The following SPATA18 variants were observed in gnomAD, a reference collection of about 807,000 sequenced individuals.
The protein encoded by SPATA18 is spermatogenesis associated 18.
Under a neutral mutation model 68.1 loss-of-function variants are expected in SPATA18, and 54 were observed. The observed-to-expected ratio is 0.79, with a 90% confidence interval of 0.64 to 0.99. The LOEUF (loss-of-function observed/expected upper bound fraction) is 0.99, where lower values mean the gene tolerates loss of function less well. Ranked by LOEUF, SPATA18 falls within the 50% of genes least tolerant of loss-of-function variation. The pLI is 0.00. For synonymous variants in SPATA18, 242 were observed against 244.8 expected, an observed-to-expected ratio of 0.99 and a Z score of 0.11; for missense variants, 724 against 681.1, an observed-to-expected ratio of 1.06 and a Z score of -0.70.
chr4:52,067,218 T>C (rs1024980750), intron 4 of SPATA18, among the ~76,000 whole-genome samples: 5 of 152,226 alleles, frequency 3.3e-5, no homozygotes, highest in African/African-American at 9.6e-5. Context: ...TGGTATCTCA[T>C]TGTGGCTTTG....
chr4:52,052,723 C>T (rs1738007249), intron 1 of SPATA18, among the ~76,000 whole-genome samples: 6 of 152,196 alleles, frequency 3.9e-5, no homozygotes, highest in Admixed American at 3.9e-4. Context: ...AGAGATTGGT[C>T]TAGATGATAT....
chr4:52,056,641 G>A (rs546156353), intron 1 of SPATA18, among the ~76,000 whole-genome samples: 1 of 152,210 alleles, frequency 6.6e-6, no homozygotes, highest in South Asian at 2.1e-4. Flanking sequence ...AGGTAATGCT[G>A]AAATCGGTGG....
intron 1 of SPATA18, among the ~76,000 whole-genome samples, chr4:52,058,083 T>A (rs1738504196): frequency 6.6e-6 from 1 of 152,198 alleles, no homozygotes; most frequent in African/African-American, 2.4e-5. Flanking sequence ...AGTGCAGGTA[T>A]AAAATGGCCA....
At chr4:52,064,918 C>T (rs370306079) in intron 4 of SPATA18, among the ~76,000 whole-genome samples, 7 of 152,206 alleles carry the variant, frequency 4.6e-5, no homozygotes, top group Non-Finnish European at 1.0e-4. Flanking sequence ...CTTTTCTCCA[C>T]ATTTACTCCA....
chr4:52,094,449 A>C (rs1742253314), intron 11 of SPATA18, 78 bp from the exon 12 acceptor site: 4 of 1,420,354 alleles, frequency 2.8e-6, no homozygotes, highest in Non-Finnish European at 3.9e-6. Flanking sequence ...GGTTTTAGGG[A>C]AAAAAAATAT....
chr4:52,071,721 T>C (rs1289581141), intron 5 of SPATA18, among the ~76,000 whole-genome samples, 196 bp from the exon 6 acceptor site: 3 of 152,192 alleles, frequency 2.0e-5, no homozygotes, highest in African/African-American at 7.2e-5. Flanking sequence ...AGTGGCACCC[T>C]GGCCCTGGCA....
In SPATA18 at chr4:52,084,896, C is replaced by A. The variant is rs1430680048; in HGVS notation, c.1480-20C>A. The A allele has an allele frequency of 2.5e-6, 4 of 1,612,868 alleles. No homozygotes were observed. The African/African-American group carries it at 4.0e-5, about 16-fold the overall frequency. ...CACAAACTCCTGACTATGTCTCTCT[C>A]TTTCTCTCTCTTTTTTAAGTGGAAT... On this transcript the variant is annotated intron_variant, in intron 10 of 12. Coordinates refer to ENST00000295213, the MANE Select transcript of SPATA18 (RefSeq NM_145263.4).
chr4:52,083,431 A>G (rs951834548), intron 10 of SPATA18: 2 of 985,456 alleles, frequency 2.0e-6, no homozygotes, highest in South Asian at 4.7e-5. Flanking sequence ...AGTGAATACT[A>G]TCTTAAAATG....
intron 10 of SPATA18, 170 bp downstream of exon 10, chr4:52,082,680 T>A (rs1250806547): frequency 2.1e-5 from 31 of 1,480,426 alleles, no homozygotes; most frequent in Non-Finnish European, 2.6e-5. Context: ...TTTCTTTGAT[T>A]CTTCCATAAT....
chr4:52,094,655 T>C, intron 12 of SPATA18, 83 bp downstream of exon 12: 1 of 1,415,414 alleles, frequency 7.1e-7, no homozygotes, highest in East Asian at 2.3e-5. Context: ...GCAAAATGAA[T>C]GCTTTGCTTC....
At chr4:52,086,884 A>G (rs1435745171) in intron 11 of SPATA18, among the ~76,000 whole-genome samples, 1 of 152,226 alleles carries the variant, frequency 6.6e-6, no homozygotes, top group East Asian at 1.9e-4. Context: ...TCTCACCAAC[A>G]GTGTAAAAGC....
rs1742252311 is a variant in SPATA18 at position 52,094,438 on chromosome 4, T to C, written c.1564-89T>C. ...AGTGCCTCAGAGAAAGCTATTTGGT[T>C]GGTTTTAGGGAAAAAAAATATGTCA... On this transcript the variant is annotated intron_variant, in intron 11 of 12. Coordinates refer to ENST00000295213, the MANE Select transcript of SPATA18 (RefSeq NM_145263.4). The C allele has an allele frequency of 8.6e-6, 11 of 1,280,358 alleles. No homozygotes were observed. In the South Asian group the frequency reaches 1.2e-4, roughly 14 times the overall value. The allele number at this position is 1,280,358 out of a possible 1,614,324, so 79.3% of individuals were successfully genotyped here. A position where few individuals can be genotyped will look rare whatever the true frequency, so the allele number is the denominator to read the frequency against.
intron 8 of SPATA18, among the ~76,000 whole-genome samples, chr4:52,079,474 T>C (rs533740242): frequency 3.3e-5 from 5 of 152,346 alleles, no homozygotes; most frequent in South Asian, 4.1e-4. Flanking sequence ...AAGGATATGA[T>C]AAATAAAAGC....
At chr4:52,062,091 T>C (rs1396504316) in intron 3 of SPATA18, 129 bp from the exon 4 acceptor site, 1 of 606,732 alleles carries the variant, frequency 1.6e-6, no homozygotes. Context: ...TTGCCTGTAC[T>C]AGAACTTCAT....
At chr4:52,086,596 C>T (rs1421684199) in intron 11 of SPATA18, among the ~76,000 whole-genome samples, 2 of 152,192 alleles carry the variant, frequency 1.3e-5, no homozygotes. Context: ...GACATAAATT[C>T]ATCCTTTTTT....
At chr4:52,054,517 G>C (rs770860783) in intron 1 of SPATA18, among the ~76,000 whole-genome samples, 1 of 152,088 alleles carries the variant, frequency 6.6e-6, no homozygotes, top group Non-Finnish European at 1.5e-5. Context: ...ATTCACGAAG[G>C]GGGAACGCTC....
intron 4 of SPATA18, among the ~76,000 whole-genome samples, chr4:52,067,767 C>T (rs551218192): frequency 5.9e-5 from 9 of 152,240 alleles, no homozygotes; most frequent in African/African-American, 2.2e-4. Flanking sequence ...CAACTGGGAA[C>T]TTAAAAAAAT....
intron 6 of SPATA18, among the ~76,000 whole-genome samples, chr4:52,075,020 G>A (rs967627534): frequency 6.6e-6 from 1 of 152,264 alleles, no homozygotes; most frequent in East Asian, 1.9e-4. Context: ...AGTTAGAGTT[G>A]CATGTCCTTC....
chr4:52,057,758 C>T (rs929455533), intron 1 of SPATA18, among the ~76,000 whole-genome samples: 1 of 152,196 alleles, frequency 6.6e-6, no homozygotes, highest in African/African-American at 2.4e-5. Flanking sequence ...AAGCCACTGG[C>T]TCCTTTCAAT....
Sources: gnomAD v4.1 joint callset for allele counts (sites outside exome capture counted in the v4.1 genomes callset) on GRCh38, gnomAD v4.1.1 for gene constraint, MANE v1.5 for transcripts, NCBI Gene and HGNC (gene_info 2026-07-23, HGNC 2026-07-21) for gene names.